Variants in CNNM2 observed in about 807,000 individuals in gnomAD.
CNNM2 encodes metal transporter CNNM2.
CNNM2 carries 12 observed loss-of-function variants against 66.9 expected under a neutral mutation model. The ratio of observed to expected loss-of-function variants is 0.18; its 90% CI spans 0.11 to 0.29. CNNM2 has a LOEUF of 0.29. CNNM2 is among the 10% of genes least tolerant of loss of function. CNNM2 has a pLI of 1.00. For synonymous variants in CNNM2, 557 were observed against 501.8 expected (o/e 1.11, Z -1.47); for missense variants, 705 against 1,167.7 (o/e 0.60, Z 5.77).
At chr10:102,989,109 T>C (rs1286398602) in intron 1 of CNNM2, among the ~76,000 whole-genome samples, 1 of 152,220 alleles carries the variant, frequency 6.6e-6, no homozygotes, top group Non-Finnish European at 1.5e-5. Flanking sequence ...TCTAAATATT[T>C]AGTTCTGTGC....
rs200661452 is a variant in CNNM2, at chr10:103,058,223, G to GT, written c.2073+1267dup. On this transcript the variant is annotated intron_variant, in intron 4 of 7. Coordinates refer to ENST00000369878, the MANE Select transcript of CNNM2 (RefSeq NM_017649.5). ...CTTCTAAATTTAGTTTTCCTCAATT[G>GT]TTTTTTTTCTTTCCTCTTTGGAGAT... is the stretch of plus-strand genomic sequence containing the variant. Among the ~76,000 whole-genome samples, 24 of 148,700 alleles carry GT rather than the reference G, an allele frequency of 1.6e-4. No homozygotes were observed. In the East Asian group the frequency reaches 1.9e-3, roughly 12 times the overall value.
intron 1 of CNNM2, among the ~76,000 whole-genome samples, chr10:103,041,577 C>T (rs2065041389): frequency 1.3e-5 from 2 of 152,198 alleles, no homozygotes; most frequent in South Asian, 2.1e-4. Flanking sequence ...GGGGAAAGCA[C>T]ACTAGCCAGA....
At chr10:102,929,872 G>T (rs1409973357) in intron 1 of CNNM2, among the ~76,000 whole-genome samples, 2 of 152,134 alleles carry the variant, frequency 1.3e-5, no homozygotes, top group Non-Finnish European at 2.9e-5. Context: ...GATCAAAAAA[G>T]ATAAAATATT....
At chr10:103,053,064 G>T (rs550440713) in intron 2 of CNNM2, among the ~76,000 whole-genome samples, 3 of 152,312 alleles carry the variant, frequency 2.0e-5, no homozygotes, top group Admixed American at 6.5e-5. Context: ...CTTTAAGCTC[G>T]TTTTTTCTTG....
chr10:103,054,947 A>C lies in CNNM2; in HGVS notation c.1903+481A>C, dbSNP rs982716998. 2.0e-5 allele frequency among the ~76,000 whole-genome samples: 3 copies of C among 152,204 alleles called. No individual in the cohort carries two copies. Among genetic ancestry groups the C allele is most frequent in the Non-Finnish European group, 4.4e-5 (3 of 68,044 alleles). On this transcript the variant is annotated intron_variant, in intron 3 of 7. Coordinates refer to ENST00000369878, the MANE Select transcript of CNNM2 (RefSeq NM_017649.5). The surrounding 1 kb of genome is among the most constrained non-coding windows in gnomAD (Gnocchi z 5.2). ...AGGGGCTGTGATTTGCAAAGAAGAA[A>C]ACTAGGTTTTCACAATTAAATCTTT... is the stretch of plus-strand genomic sequence containing the variant.
At chr10:103,005,498 A>C (rs2064208271) in intron 1 of CNNM2, among the ~76,000 whole-genome samples, 1 of 151,820 alleles carries the variant, frequency 6.6e-6, no homozygotes, top group Admixed American at 6.6e-5. Flanking sequence ...AAAATACAAA[A>C]ATTAGCCAAG....
intron 1 of CNNM2, among the ~76,000 whole-genome samples, chr10:102,935,900 G>C (rs1330239151): frequency 6.7e-6 from 1 of 149,154 alleles, no homozygotes; most frequent in Non-Finnish European, 1.5e-5. Flanking sequence ...ATTACGATAT[G>C]AAATGCCACG....
At position 103,054,582 on chromosome 10, in the gene CNNM2, C is replaced by T. The variant is rs1356787374; in HGVS notation, c.1903+116C>T. 28 of 1,075,934 alleles carry T rather than the reference C, an allele frequency of 2.6e-5. No individual in the cohort carries two copies. In the Admixed American group the frequency reaches 2.9e-4, roughly 11 times the overall value. The allele number at this position is 1,075,934 out of a possible 1,614,324, so 66.6% of individuals were successfully genotyped here. On this transcript the variant is annotated intron_variant, in intron 3 of 7. Transcript: ENST00000369878. The surrounding 1 kb of genome is among the most constrained non-coding windows in gnomAD (Gnocchi z 5.2). ...CTGGGAAATGGGGTGATAAGTAATG[C>T]CACTTTTGTGTTTTGTTTTTTTTGT...
In CNNM2 at chr10:103,085,574, A is replaced by G. The variant is rs1024117902; in HGVS notation, c.*8394A>G. ...CAGACATGGCTTTGGGAAGAGCTCC[A>G]TGGGAGACCAGAACATCTGGGGACA... On this transcript the variant is annotated 3_prime_UTR_variant, in exon 8 of 8. Coordinates refer to ENST00000369878, the MANE Select transcript of CNNM2 (RefSeq NM_017649.5). 6.6e-6 allele frequency: 1 copy of G among 152,228 alleles called. No individual in the cohort carries two copies. The highest frequency in any genetic ancestry group is 2.4e-5 in the African/African-American group (1 of 41,458). 9.4% of individuals were successfully genotyped at this position (152,228 alleles called of 1,614,324 possible). A position where few individuals can be genotyped will look rare whatever the true frequency, so the allele number is the denominator to read the frequency against.
At chr10:102,945,462 G>A (rs1003562821) in intron 1 of CNNM2, among the ~76,000 whole-genome samples, 1 of 152,122 alleles carries the variant, frequency 6.6e-6, no homozygotes, top group Admixed American at 6.5e-5. Context: ...TAGAAAGAAA[G>A]CATATATTAT....
chr10:102,985,791 T>TA (rs1221198873), intron 1 of CNNM2, among the ~76,000 whole-genome samples: 2 of 152,206 alleles, frequency 1.3e-5, no homozygotes, highest in East Asian at 3.8e-4. Flanking sequence ...TTCAAGGGAC[T>TA]AGTAAAAGGA....
At chr10:102,940,259 T>G (rs1475560403) in intron 1 of CNNM2, among the ~76,000 whole-genome samples, 1 of 151,872 alleles carries the variant, frequency 6.6e-6, no homozygotes, top group Non-Finnish European at 1.5e-5. Flanking sequence ...TGGCCTCCCC[T>G]CTGTATATTG....
rs558456898 is a variant in CNNM2, at chr10:103,018,849, G to A, written c.1622-30858G>A. On this transcript the variant is annotated intron_variant, in intron 1 of 7. Coordinates refer to ENST00000369878, the MANE Select transcript of CNNM2 (RefSeq NM_017649.5). The stretch of plus-strand genomic sequence containing the variant: ...AATTTTTGTATTTTTAGTAGAGGTC[G>A]GGTTTCACCATGTTGGCCAGGATGG... Among the ~76,000 whole-genome samples the A allele has an allele frequency of 2.4e-3, 361 of 151,006 alleles. 1 individual carries two copies. Among genetic ancestry groups the A allele is most frequent in the African/African-American group, 8.1e-3 (336 of 41,398 alleles).
rs1480975375 is a variant in CNNM2 at position 103,079,933 on chromosome 10, C to T, written c.*2753C>T. Reference sequence around the variant, plus strand: ...ACCTCTCAGATGGTTGGAGGAGAAACACTGGGCTGTTGCTTCTTTGGGGCA... The same window carrying T: ...ACCTCTCAGATGGTTGGAGGAGAAATACTGGGCTGTTGCTTCTTTGGGGCA... On this transcript the variant is annotated 3_prime_UTR_variant, in exon 8 of 8. Transcript: ENST00000369878. 1.3e-5 allele frequency: 2 copies of T among 152,300 alleles called. No homozygotes were observed. Among genetic ancestry groups the T allele is most frequent in the South Asian group, 4.1e-4 (2 of 4,820 alleles). 9.4% of individuals were successfully genotyped at this position (152,300 alleles called of 1,614,324 possible).
intron 1 of CNNM2, among the ~76,000 whole-genome samples, chr10:103,036,941 C>G (rs916153339): frequency 1.1e-4 from 16 of 152,208 alleles, no homozygotes; most frequent in African/African-American, 3.6e-4. Flanking sequence ...GTGTCCTATA[C>G]TGTGGCTCTG....
chr10:103,004,924 G>A (rs1044773845), intron 1 of CNNM2, among the ~76,000 whole-genome samples: 3 of 152,148 alleles, frequency 2.0e-5, no homozygotes, highest in African/African-American at 7.2e-5. Context: ...AAGAACTAGT[G>A]TTTCAACATC....
chr10:102,951,051 G>T (rs551874378), intron 1 of CNNM2, among the ~76,000 whole-genome samples: 1 of 131,904 alleles, frequency 7.6e-6, no homozygotes, highest in African/African-American at 2.8e-5. Context: ...GCAGTGGTGT[G>T]ATCTCAGCTC....
intron 1 of CNNM2, among the ~76,000 whole-genome samples, chr10:102,968,829 G>A (rs547671791): frequency 3.6e-4 from 55 of 151,482 alleles, no homozygotes; most frequent in Non-Finnish European, 6.5e-4. Context: ...TCAAACTCCT[G>A]GGCTCAAGCA....
At chr10:103,069,094 G>A (rs376729054) in intron 5 of CNNM2, among the ~76,000 whole-genome samples, 3 of 152,166 alleles carry the variant, frequency 2.0e-5, no homozygotes, top group East Asian at 3.9e-4. Flanking sequence ...GTTACACAGA[G>A]GCTGGCTCCT....
Sources: allele counts gnomAD v4.1 joint callset (sites outside exome capture counted in the v4.1 genomes callset), GRCh38; gene constraint gnomAD v4.1.1; non-coding constraint Gnocchi (gnomAD v3.1); transcripts MANE v1.5; gene names NCBI Gene and HGNC (gene_info 2026-07-23, HGNC 2026-07-21).